Variants in SORCS1 observed in about 807,000 individuals in gnomAD.
The protein encoded by SORCS1 is VPS10 domain-containing receptor SorCS1.
Under a neutral mutation model 146.1 loss-of-function variants are expected in SORCS1, and 60 were observed. The observed-to-expected ratio is 0.41, with a 90% confidence interval of 0.33 to 0.51. The LOEUF (loss-of-function observed/expected upper bound fraction) is 0.51. SORCS1 is among the 20% of genes least tolerant of loss of function. The probability of loss-of-function intolerance (pLI) is 0.21; values close to 1 mark genes in which losing one functional copy is unlikely to be tolerated. For synonymous variants in SORCS1, 637 were observed against 584.0 expected, an observed-to-expected ratio of 1.09 and a Z score of -1.31; for missense variants, 1,352 against 1,487.6, an observed-to-expected ratio of 0.91 and a Z score of 1.50.
chr10:107,023,508 A>G (rs967081861), intron 1 of SORCS1, among the ~76,000 whole-genome samples: 1 of 152,202 alleles, frequency 6.6e-6, no homozygotes, highest in Non-Finnish European at 1.5e-5. Flanking sequence ...TATCCAAAAA[A>G]CACAAAGCAG....
intron 17 of SORCS1, among the ~76,000 whole-genome samples, chr10:106,655,781 T>C (rs1457406064): frequency 6.6e-6 from 1 of 152,168 alleles, no homozygotes; most frequent in Non-Finnish European, 1.5e-5. Context: ...TGTGCCGTAA[T>C]ACAGAGTTCA....
At chr10:106,578,377 T>C (rs2133185717) in intron 25 of SORCS1, 1 of 152,558 alleles carries the variant, frequency 6.6e-6, no homozygotes, top group Admixed American at 6.5e-5. Flanking sequence ...AGAAAGTCCA[T>C]TTTACAACTT....
intron 21 of SORCS1, among the ~76,000 whole-genome samples, chr10:106,613,956 C>T (rs1847183459): frequency 6.6e-6 from 1 of 152,110 alleles, no homozygotes; most frequent in Non-Finnish European, 1.5e-5. Flanking sequence ...GCCTTTCCAA[C>T]CACCCAACCT....
At chr10:106,893,252 G>T (rs2137927164) in intron 2 of SORCS1, among the ~76,000 whole-genome samples, 1 of 152,208 alleles carries the variant, frequency 6.6e-6, no homozygotes. Context: ...CAAGCATAGG[G>T]CTTTTGGTCA....
At chr10:106,750,455 G>A (rs1858064757) in intron 5 of SORCS1, among the ~76,000 whole-genome samples, 1 of 152,058 alleles carries the variant, frequency 6.6e-6, no homozygotes, top group African/African-American at 2.4e-5. Flanking sequence ...GAGGGGCCGG[G>A]CGCAGTGGTT....
intron 1 of SORCS1, among the ~76,000 whole-genome samples, chr10:106,982,238 G>C (rs1324412630): frequency 6.6e-6 from 1 of 152,168 alleles, no homozygotes; most frequent in Non-Finnish European, 1.5e-5. Context: ...ACCAAGACTT[G>C]ATGCCTATGA....
chr10:106,939,946 G>A (rs80113814), intron 2 of SORCS1, among the ~76,000 whole-genome samples: 3,212 of 152,304 alleles, frequency 0.021, 92 homozygotes, highest in East Asian at 0.073. Flanking sequence ...GGTCCGTAGT[G>A]GAGACCTGTG....
At chr10:106,640,754 T>C (rs765297722) in intron 18 of SORCS1, among the ~76,000 whole-genome samples, 6 of 152,180 alleles carry the variant, frequency 3.9e-5, no homozygotes, top group Non-Finnish European at 8.8e-5. Context: ...CCAGAGGACA[T>C]CCATCTTGAG....
chr10:106,996,446 C>A (rs78159667), intron 1 of SORCS1, among the ~76,000 whole-genome samples: 5,021 of 152,160 alleles, frequency 0.033, 263 homozygotes, highest in African/African-American at 0.11. Context: ...GGGTATGCTA[C>A]AGACAAAATG....
chr10:106,809,484 C>A (rs1253659555), intron 3 of SORCS1, among the ~76,000 whole-genome samples: 1 of 151,948 alleles, frequency 6.6e-6, no homozygotes, highest in African/African-American at 2.4e-5. Context: ...CTCATCACGG[C>A]AGGATCTTGA....
In SORCS1 at chr10:106,751,965, T is replaced by C. The variant is rs533146825; in HGVS notation, c.959+9623A>G. On this transcript the variant is annotated intron_variant, in intron 5 of 25. Transcript: ENST00000263054. Reference sequence around the variant, plus strand: ...AAATGAAAAGAAGACAATAAAGAAATATATATGGAGAACATACTAAGTGCT... The same window carrying C: ...AAATGAAAAGAAGACAATAAAGAAACATATATGGAGAACATACTAAGTGCT... Among the ~76,000 whole-genome samples, 4 of 152,200 alleles carry C rather than the reference T, an allele frequency of 2.6e-5. No individual in the cohort carries two copies. The South Asian group carries it at 8.3e-4, about 32-fold the overall frequency.
At chr10:107,124,012 G>A (rs999461386) in intron 1 of SORCS1, among the ~76,000 whole-genome samples, 19 of 151,718 alleles carry the variant, frequency 1.3e-4, no homozygotes, top group Non-Finnish European at 2.8e-4. Context: ...GCATGAACCT[G>A]GGAGGCGGAG....
At chr10:106,957,154 G>GT (rs1564852696) in intron 1 of SORCS1, among the ~76,000 whole-genome samples, 6 of 69,688 alleles carry the variant, frequency 8.6e-5, no homozygotes, top group Non-Finnish European at 1.7e-4. Flanking sequence ...ATTAGCATGT[G>GT]GTTTTTTTTT....
chr10:107,038,696 C>CAG (rs1334112468), intron 1 of SORCS1, among the ~76,000 whole-genome samples: 1 of 149,886 alleles, frequency 6.7e-6, no homozygotes, highest in Admixed American at 6.7e-5. Flanking sequence ...GGGCAGGGGG[C>CAG]GGGGGGGGAG....
chr10:106,611,174 T>C (rs1846961844), intron 22 of SORCS1, among the ~76,000 whole-genome samples: 1 of 152,068 alleles, frequency 6.6e-6, no homozygotes, highest in African/African-American at 2.4e-5. Context: ...CAGGGAAGGA[T>C]AAAACACAAC....
At chr10:106,769,921 T>A (rs954151815) in intron 4 of SORCS1, among the ~76,000 whole-genome samples, 39 of 151,972 alleles carry the variant, frequency 2.6e-4, no homozygotes, top group African/African-American at 9.4e-4. Flanking sequence ...TCAAACCCAG[T>A]CTCTACTAAA....
At chr10:106,991,579 G>T (rs769886445) in intron 1 of SORCS1, among the ~76,000 whole-genome samples, 1 of 152,178 alleles carries the variant, frequency 6.6e-6, no homozygotes, top group Non-Finnish European at 1.5e-5. Flanking sequence ...TATGCCTTTT[G>T]AAACAGAGTC....
At chr10:106,956,159 G>C (rs182758965) in intron 2 of SORCS1, among the ~76,000 whole-genome samples, 3 of 151,936 alleles carry the variant, frequency 2.0e-5, no homozygotes, top group East Asian at 1.9e-4. Context: ...CCCTGGTAGA[G>C]AGCCTCGTTC....
intron 1 of SORCS1, among the ~76,000 whole-genome samples, chr10:107,149,229 C>T (rs986832878): frequency 2.0e-5 from 3 of 152,128 alleles, no homozygotes; most frequent in South Asian, 4.1e-4. Flanking sequence ...ACAAGAAGAA[C>T]GGAAAGGGCC....
Sources: allele counts gnomAD v4.1 joint callset (sites outside exome capture counted in the v4.1 genomes callset), GRCh38; gene constraint gnomAD v4.1.1; transcripts MANE v1.5; gene names NCBI Gene and HGNC (gene_info 2026-07-23, HGNC 2026-07-21).